Variants in CADPS2 observed in about 807,000 individuals in gnomAD.
The protein encoded by CADPS2 is calcium-dependent secretion activator 2.
Under a neutral mutation model 172.5 loss-of-function variants are expected in CADPS2, and 93 were observed. The ratio of observed to expected loss-of-function variants is 0.54; its 90% CI spans 0.46 to 0.64. The LOEUF (loss-of-function observed/expected upper bound fraction) is 0.64. Ranked by LOEUF, CADPS2 falls within the 30% of genes least tolerant of loss-of-function variation. CADPS2 has a pLI of 0.00. For synonymous variants in CADPS2, 546 were observed against 555.2 expected, an observed-to-expected ratio of 0.98 and a Z score of 0.23; for missense variants, 1,420 against 1,565.9, an observed-to-expected ratio of 0.91 and a Z score of 1.57.
intron 2 of CADPS2, among the ~76,000 whole-genome samples, chr7:122,692,827 A>AG (rs1192597711): frequency 2.0e-3 from 311 of 152,318 alleles, no homozygotes; most frequent in African/African-American, 6.7e-3. Context: ...GCTCTCACGC[A>AG]CTGTTCTCTC....
chr7:122,407,774 ATATTT>A (rs2046827896), intron 19 of CADPS2, 78 bp from the exon 20 acceptor site: 1 of 1,321,026 alleles, frequency 7.6e-7, no homozygotes, highest in African/African-American at 1.5e-5. Context: ...CCAGTTGAAA[ATATTT>A]TATAACATGT....
In CADPS2 at chr7:122,581,230, G is replaced by C. The variant is rs766935090; in HGVS notation, c.1284C>G (p.Leu428=). 6.2e-7 allele frequency: 1 copy of C among 1,613,284 alleles called. No homozygotes were observed. Among genetic ancestry groups the C allele is most frequent in the Non-Finnish European group, 8.5e-7 (1 of 1,179,444 alleles). Reference sequence around the variant, plus strand: ...CCAGAACTCCAGTGCTTTCTGTGAAGAGTTTCACTTTGACCACAGGCCGAG... The same window carrying C: ...CCAGAACTCCAGTGCTTTCTGTGAACAGTTTCACTTTGACCACAGGCCGAG... ...THPRPVVKVK[L]FTESTGVLAL... Residue 428 remains leucine, a synonymous_variant, in exon 7 of 30, where the codon CTC becomes CTG. Coordinates refer to ENST00000449022, the MANE Select transcript of CADPS2 (RefSeq NM_017954.11).
chr7:122,485,496 C>G (rs1266957009), intron 11 of CADPS2, among the ~76,000 whole-genome samples: 1 of 152,182 alleles, frequency 6.6e-6, no homozygotes. Context: ...CAAGGCCCTG[C>G]CTTTCTTCGA....
At chr7:122,671,692 A>G (rs2081876749) in intron 2 of CADPS2, among the ~76,000 whole-genome samples, 1 of 152,242 alleles carries the variant, frequency 6.6e-6, no homozygotes. Flanking sequence ...GTGAGAAAGA[A>G]TCCCTGGATA....
At chr7:122,388,767 T>A (rs752106526) in intron 22 of CADPS2, 29 bp from the exon 23 acceptor site, 1 of 1,575,044 alleles carries the variant, frequency 6.3e-7, no homozygotes, top group South Asian at 1.2e-5. Context: ...ATGAACATCA[T>A]GAACTCCCCG....
intron 14 of CADPS2, among the ~76,000 whole-genome samples, chr7:122,469,422 A>AGAAG (rs1385238635): frequency 2.0e-5 from 3 of 152,172 alleles, no homozygotes; most frequent in Non-Finnish European, 4.4e-5. Context: ...TCCCCTAGTC[A>AGAAG]GAAGGAATTG....
intron 3 of CADPS2, among the ~76,000 whole-genome samples, chr7:122,630,365 T>G (rs1201215103): frequency 6.7e-6 from 1 of 150,096 alleles, no homozygotes; most frequent in Non-Finnish European, 1.5e-5. Flanking sequence ...TAAGGCAATT[T>G]ATATGAAGAG....
In CADPS2 at chr7:122,628,280, G is replaced by T. The variant is rs144445560; in HGVS notation, c.867+968C>A. On this transcript the variant is annotated intron_variant, in intron 4 of 29. Coordinates refer to ENST00000449022, the MANE Select transcript of CADPS2 (RefSeq NM_017954.11). Reference sequence around the variant, plus strand: ...ACAAATACACATTTTCTTTGCAGAAGTAAAAAAATAATTGTTAAAATTAGT... The same window carrying T: ...ACAAATACACATTTTCTTTGCAGAATTAAAAAAATAATTGTTAAAATTAGT... Among the ~76,000 whole-genome samples, 12 of 152,110 alleles carry T rather than the reference G, an allele frequency of 7.9e-5. No individual in the cohort carries two copies. In the East Asian group the frequency reaches 2.3e-3, roughly 29 times the overall value.
At chr7:122,611,738 A>G (rs565428308) in intron 6 of CADPS2, among the ~76,000 whole-genome samples, 42 of 152,198 alleles carry the variant, frequency 2.8e-4, no homozygotes, top group African/African-American at 9.4e-4. Context: ...TTACCCTGAT[A>G]ACAAAATCAG....
At chr7:122,750,976 T>A (rs1189116043) in intron 1 of CADPS2, among the ~76,000 whole-genome samples, 5 of 151,978 alleles carry the variant, frequency 3.3e-5, no homozygotes, top group Non-Finnish European at 7.4e-5. Flanking sequence ...ACCCCTAAAA[T>A]TTTTTTTGGA....
At chr7:122,780,759 C>T (rs995183813) in intron 1 of CADPS2, among the ~76,000 whole-genome samples, 1 of 152,196 alleles carries the variant, frequency 6.6e-6, no homozygotes, top group African/African-American at 2.4e-5. Context: ...TCTTCCACCT[C>T]AGCCTCCCAA....
intron 19 of CADPS2, among the ~76,000 whole-genome samples, chr7:122,412,185 C>G (rs12533664): frequency 0.068 from 10,316 of 152,040 alleles, 506 homozygotes; most frequent in South Asian, 0.13. Flanking sequence ...AAATTTGAAC[C>G]CATCCTAAAA....
chr7:122,797,396 G>A (rs185951087), intron 1 of CADPS2, among the ~76,000 whole-genome samples: 18 of 152,238 alleles, frequency 1.2e-4, no homozygotes, highest in African/African-American at 4.8e-5. Flanking sequence ...ACACATGCAC[G>A]TGTGTGTTCA....
chr7:122,677,656 A>G (rs1009386728), intron 2 of CADPS2, among the ~76,000 whole-genome samples: 70 of 152,250 alleles, frequency 4.6e-4, no homozygotes, highest in African/African-American at 1.6e-3. Flanking sequence ...AACAACAACA[A>G]CAACAATAAA....
At chr7:122,587,366 T>C (rs1453255293) in intron 6 of CADPS2, among the ~76,000 whole-genome samples, 1 of 152,064 alleles carries the variant, frequency 6.6e-6, no homozygotes, top group Non-Finnish European at 1.5e-5. Flanking sequence ...ACATGTGGTG[T>C]TTGGTTTTCT....
chr7:122,368,043 C>A, intron 25 of CADPS2: 1 of 152,222 alleles, frequency 6.6e-6, no homozygotes, highest in Non-Finnish European at 1.5e-5. Flanking sequence ...TTACATTGGG[C>A]TCACCTGAAT....
chr7:122,719,866 AATGGTC>A (rs1298397901), intron 2 of CADPS2, among the ~76,000 whole-genome samples: 1 of 152,142 alleles, frequency 6.6e-6, no homozygotes, highest in Admixed American at 6.6e-5. Context: ...TGCATAGATT[AATGGTC>A]ATTAGGGAAA....
chr7:122,477,921 A>C (rs979332586), intron 12 of CADPS2, among the ~76,000 whole-genome samples: 1 of 152,198 alleles, frequency 6.6e-6, no homozygotes, highest in Non-Finnish European at 1.5e-5. Context: ...CCTTTGACCC[A>C]CATCTCCCCA....
intron 8 of CADPS2, among the ~76,000 whole-genome samples, chr7:122,539,761 G>GTCTGTTTC (rs1267546790): frequency 8.9e-4 from 47 of 52,762 alleles, no homozygotes; most frequent in East Asian, 2.5e-3. Context: ...GTCTCTCTCT[G>GTCTGTTTC]TCTCTGTCTC....
Sources: gnomAD v4.1 joint callset for allele counts (sites outside exome capture counted in the v4.1 genomes callset) on GRCh38, gnomAD v4.1.1 for gene constraint, MANE v1.5 for transcripts, NCBI Gene and HGNC (gene_info 2026-07-23, HGNC 2026-07-21) for gene names.